Variants in RSF1 observed in about 807,000 individuals in gnomAD.
RSF1 encodes HBV pX-associated protein 8.
In RSF1, 13 loss-of-function variants were observed where a neutral mutation model predicts 145.2. That is an observed-to-expected ratio of 0.09 (90% CI 0.06 to 0.14). The LOEUF is 0.14. Ranked by LOEUF, RSF1 falls within the 10% of genes least tolerant of loss-of-function variation. The probability of loss-of-function intolerance (pLI) is 1.00; values close to 1 mark genes in which losing one functional copy is unlikely to be tolerated. For synonymous variants in RSF1, 577 were observed against 592.6 expected, an observed-to-expected ratio of 0.97 and a Z score of 0.38; for missense variants, 1,517 against 1,718.2, an observed-to-expected ratio of 0.88 and a Z score of 2.07.
At position 77,740,856 on chromosome 11, in the gene RSF1, G is replaced by C. The variant is rs1188506679; in HGVS notation, c.453C>G (p.Leu151=). ...CATCTTTGTCTCGACCAATTGGCTG[G>C]AGACGCATAGTATCGGCATCCTCCT... is the stretch of plus-strand genomic sequence containing the variant. ...INEEDADTMR[L]QPIGRDKDGL... is the part of the protein sequence containing the mutation. Residue 151 remains leucine, a synonymous_variant, in exon 4 of 16, where the codon CTC becomes CTG. Coordinates refer to ENST00000308488, the MANE Select transcript of RSF1 (RefSeq NM_016578.4). 1 of 1,614,130 alleles carries C rather than the reference G, an allele frequency of 6.2e-7. No homozygotes were observed. Among genetic ancestry groups the C allele is most frequent in the Admixed American group, 1.7e-5 (1 of 60,034 alleles).
chr11:77,766,677 G>A (rs1329815279), intron 1 of RSF1, among the ~76,000 whole-genome samples: 1 of 152,196 alleles, frequency 6.6e-6, no homozygotes, highest in Non-Finnish European at 1.5e-5. Context: ...GGAACTGGAG[G>A]AATGGACATA....
chr11:77,799,278 G>A (rs1401061992), intron 1 of RSF1, among the ~76,000 whole-genome samples: 3 of 152,070 alleles, frequency 2.0e-5, no homozygotes, highest in Non-Finnish European at 2.9e-5. Context: ...GGGAATATGA[G>A]GCGGGAGGAT....
the RSF1 span, among the ~76,000 whole-genome samples, chr11:77,833,784 C>T: frequency 2.0e-5 from 3 of 152,134 alleles, no homozygotes; most frequent in Non-Finnish European, 2.9e-5. Context: ...TACAGTTAAT[C>T]GTATATTAAT....
intron 9 of RSF1, among the ~76,000 whole-genome samples, chr11:77,690,045 CCAGCTACT>C (rs1175254598): frequency 1.3e-5 from 2 of 151,818 alleles, no homozygotes; most frequent in East Asian, 3.9e-4. Context: ...GCCTGTAGTC[CCAGCTACT>C]CAGGAGGCTG....
chr11:77,812,561 G>A (rs1304037251), intron 1 of RSF1, among the ~76,000 whole-genome samples: 1 of 152,104 alleles, frequency 6.6e-6, no homozygotes, highest in Non-Finnish European at 1.5e-5. Context: ...TCTGTCTGCT[G>A]TCAAGTTTTG....
chr11:77,690,668 T>A (rs1960129650), intron 9 of RSF1, among the ~76,000 whole-genome samples: 1 of 152,144 alleles, frequency 6.6e-6, no homozygotes, highest in South Asian at 2.1e-4. Context: ...TCTGCCTGCC[T>A]CGGCCTCTCA....
chr11:77,700,824 T>C lies in RSF1; in HGVS notation c.2405A>G (p.Glu802Gly). ...RDQKADKKRG[E>G]GEDEVEEEST... ...CTCTTCTTCCACCTCATCTTCTCCTTCCCCTCTTTTTTTATCAGCTTTCTG... is the reference window on the plus strand; with the variant it reads ...CTCTTCTTCCACCTCATCTTCTCCTCCCCCTCTTTTTTTATCAGCTTTCTG... Residue 802 changes from glutamate to glycine, a missense_variant, in exon 6 of 16, where the codon GAA becomes GGA. Physicochemically the swap from Glu to Gly is moderately conservative, Grantham distance 98. Transcript: ENST00000308488. The C allele has an allele frequency of 6.2e-7, 1 of 1,613,244 alleles. No homozygotes were observed. The highest frequency in any genetic ancestry group is 1.1e-5 in the South Asian group (1 of 91,068).
At chr11:77,725,306 T>C (rs1482620375) in intron 5 of RSF1, among the ~76,000 whole-genome samples, 5 of 152,240 alleles carry the variant, frequency 3.3e-5, no homozygotes, top group East Asian at 3.8e-4. Context: ...AAAAATATTA[T>C]GTTTTGATGA....
At chr11:77,676,453 T>G (rs1010149277) in intron 13 of RSF1, among the ~76,000 whole-genome samples, 1 of 152,202 alleles carries the variant, frequency 6.6e-6, no homozygotes, top group African/African-American at 2.4e-5. Flanking sequence ...AATATCTTAT[T>G]TATTTTTCAC....
At chr11:77,823,619 CTCAAAA>C (rs1565193512), upstream of RSF1, among the ~76,000 whole-genome samples, 7 of 56,660 alleles carry the variant, frequency 1.2e-4, no homozygotes, top group African/African-American at 4.7e-4. Context: ...TACACCCTGT[CTCAAAA>C]AAAAAAAAAA....
chr11:77,734,510 T>C, intron 4 of RSF1: 1 of 1,588,308 alleles, frequency 6.3e-7, no homozygotes, highest in African/African-American at 1.3e-5. Flanking sequence ...AGGGTGTGCT[T>C]GTCAAAGAGA....
At chr11:77,721,177 T>C (rs1041805802) in intron 5 of RSF1, among the ~76,000 whole-genome samples, 1 of 152,198 alleles carries the variant, frequency 6.6e-6, no homozygotes. Context: ...TTTGCAAATA[T>C]CTAACCATGC....
At chr11:77,731,291 G>T (rs1469388659) in intron 4 of RSF1, among the ~76,000 whole-genome samples, 2 of 152,176 alleles carry the variant, frequency 1.3e-5, no homozygotes, top group African/African-American at 4.8e-5. Context: ...TGAAGGAGAT[G>T]ATTTAGGGTA....
the RSF1 span, among the ~76,000 whole-genome samples, chr11:77,827,502 G>T: frequency 2.0e-5 from 3 of 152,088 alleles, no homozygotes; most frequent in Non-Finnish European, 4.4e-5. Context: ...TCAATATATT[G>T]TAATATATTT....
intron 1 of RSF1, among the ~76,000 whole-genome samples, chr11:77,774,931 T>A (rs964808727): frequency 6.6e-6 from 1 of 150,582 alleles, no homozygotes; most frequent in African/African-American, 2.4e-5. Flanking sequence ...CATGCCAGTA[T>A]AATTTTTTGT....
intron 4 of RSF1, among the ~76,000 whole-genome samples, chr11:77,737,619 G>GTGTGTGTGTGT (rs1554991249): frequency 2.0e-5 from 2 of 102,304 alleles, no homozygotes; most frequent in East Asian, 3.7e-4. Context: ...TGTGTTTTGG[G>GTGTGTGTGTGT]GGGTGTGTGT....
At chr11:77,769,406 C>T (rs1226563948) in intron 1 of RSF1, among the ~76,000 whole-genome samples, 1 of 152,198 alleles carries the variant, frequency 6.6e-6, no homozygotes, top group Non-Finnish European at 1.5e-5. Flanking sequence ...ACTGATTAGC[C>T]ACTTCAAGTC....
rs542990221 is a variant in RSF1, at chr11:77,816,775, C to T, written c.187+3753G>A. 1.7e-4 allele frequency among the ~76,000 whole-genome samples: 26 copies of T among 152,290 alleles called. No homozygotes were observed. In the South Asian group the frequency reaches 5.4e-3, roughly 32 times the overall value. ...TATCCATAACCACCATCATCTACCT[C>T]CAGTTAGGAGAAACCTGGGGAAGTC... On this transcript the variant is annotated intron_variant, in intron 1 of 15. Coordinates refer to ENST00000308488, the MANE Select transcript of RSF1 (RefSeq NM_016578.4).
At chr11:77,782,170 T>G (rs900628986) in intron 1 of RSF1, among the ~76,000 whole-genome samples, 21 of 152,322 alleles carry the variant, frequency 1.4e-4, no homozygotes, top group African/African-American at 5.1e-4. Context: ...TCATTTAATT[T>G]TAATTACAAT....
Sources: gnomAD v4.1 joint callset for allele counts (sites outside exome capture counted in the v4.1 genomes callset) on GRCh38, gnomAD v4.1.1 for gene constraint, MANE v1.5 for transcripts, NCBI Gene and HGNC (gene_info 2026-07-23, HGNC 2026-07-21) for gene names.